PLCXD3: variants seen among roughly 807,000 people sequenced by gnomAD.
PLCXD3 encodes the protein phosphatidylinositol specific phospholipase C X domain containing 3, also known as PI-PLC X domain-containing protein 3.
Under a neutral mutation model 25.5 loss-of-function variants are expected in PLCXD3, and 19 were observed. That is an observed-to-expected ratio of 0.75 (90% CI 0.52 to 1.09). The LOEUF (loss-of-function observed/expected upper bound fraction) is 1.09, where lower values mean the gene tolerates loss of function less well. Ranked by LOEUF, PLCXD3 falls within the 50% of genes least tolerant of loss-of-function variation. The pLI, the probability that PLCXD3 is intolerant of heterozygous loss-of-function variation, is 0.00. For missense variants in PLCXD3, 411 were observed against 388.1 expected, an observed-to-expected ratio of 1.06 and a Z score of -0.50; for synonymous variants, 174 against 137.6, an observed-to-expected ratio of 1.26 and a Z score of -1.85.
chr5:41,404,355 A>T (rs1746290160), intron 1 of PLCXD3, among the ~76,000 whole-genome samples: 1 of 152,072 alleles, frequency 6.6e-6, no homozygotes, highest in South Asian at 2.1e-4. Flanking sequence ...ACAATTCCTT[A>T]TTTTATTTTC....
intron 2 of PLCXD3, among the ~76,000 whole-genome samples, chr5:41,346,064 A>G (rs993276231): frequency 1.3e-5 from 2 of 152,054 alleles, no homozygotes; most frequent in African/African-American, 4.8e-5. Context: ...TATTTTTAGC[A>G]GAGAGGAGGT....
At chr5:41,325,534 A>G (rs1434947011) in intron 2 of PLCXD3, among the ~76,000 whole-genome samples, 1 of 152,212 alleles carries the variant, frequency 6.6e-6, no homozygotes, top group Non-Finnish European at 1.5e-5. Flanking sequence ...GATATATTGT[A>G]TAACTGTTTA....
chr5:41,410,176 G>A (rs1436802998), intron 1 of PLCXD3, among the ~76,000 whole-genome samples: 1 of 139,302 alleles, frequency 7.2e-6, no homozygotes, highest in Non-Finnish European at 1.5e-5. Context: ...GTCTCACTCT[G>A]TTGCCCAGGC....
At chr5:41,407,290 TAC>T (rs1215449205) in intron 1 of PLCXD3, among the ~76,000 whole-genome samples, 3 of 152,140 alleles carry the variant, frequency 2.0e-5, no homozygotes, top group Admixed American at 1.3e-4. Context: ...GGAGATAAAA[TAC>T]ACAGATTATG....
At chr5:41,330,185 T>C (rs1451840642) in intron 2 of PLCXD3, among the ~76,000 whole-genome samples, 1 of 151,790 alleles carries the variant, frequency 6.6e-6, no homozygotes, top group East Asian at 1.9e-4. Flanking sequence ...AAAATGTCAA[T>C]GATAGACCGC....
chr5:41,496,037 A>T (rs980853130), intron 1 of PLCXD3, among the ~76,000 whole-genome samples: 14 of 152,184 alleles, frequency 9.2e-5, no homozygotes, highest in African/African-American at 3.4e-4. Context: ...ATTTTAAAAT[A>T]ACAGAAATTT....
intron 2 of PLCXD3, among the ~76,000 whole-genome samples, chr5:41,316,121 AG>A (rs1487324949): frequency 1.3e-5 from 2 of 152,124 alleles, no homozygotes; most frequent in Non-Finnish European, 2.9e-5. Flanking sequence ...TTGGGAGAAG[AG>A]GGGGAAGAAT....
At chr5:41,369,908 T>C (rs994173277) in intron 2 of PLCXD3, among the ~76,000 whole-genome samples, 3 of 152,230 alleles carry the variant, frequency 2.0e-5, no homozygotes, top group African/African-American at 4.8e-5. Context: ...ACAGTGAATT[T>C]GGTCTGTTTT....
chr5:41,317,938 A>G (rs2150468626), intron 2 of PLCXD3, among the ~76,000 whole-genome samples: 1 of 152,298 alleles, frequency 6.6e-6, no homozygotes. Flanking sequence ...AGACAAGGGT[A>G]GGATGTTTAT....
chr5:41,434,880 G>T (rs1747206480), intron 1 of PLCXD3, among the ~76,000 whole-genome samples: 1 of 152,082 alleles, frequency 6.6e-6, no homozygotes, highest in Admixed American at 6.5e-5. Context: ...AAATTGTGGA[G>T]GACCAGGAGA....
At chr5:41,395,092 A>G (rs1745960970) in intron 1 of PLCXD3, among the ~76,000 whole-genome samples, 1 of 152,162 alleles carries the variant, frequency 6.6e-6, no homozygotes. Flanking sequence ...CAAATCTTAA[A>G]ATGTTCAAAA....
At chr5:41,463,495 A>G (rs1427438827) in intron 1 of PLCXD3, among the ~76,000 whole-genome samples, 2 of 152,052 alleles carry the variant, frequency 1.3e-5, no homozygotes, top group Non-Finnish European at 2.9e-5. Context: ...TGGGATTTCA[A>G]CATATAAATT....
At chr5:41,499,567 C>T (rs1479087182) in intron 1 of PLCXD3, among the ~76,000 whole-genome samples, 1 of 151,740 alleles carries the variant, frequency 6.6e-6, no homozygotes, top group Non-Finnish European at 1.5e-5. Context: ...TGTTACCACT[C>T]CCCAAAGGAA....
intron 1 of PLCXD3, among the ~76,000 whole-genome samples, chr5:41,427,429 A>AT (rs1746986878): frequency 1.3e-5 from 2 of 152,122 alleles, no homozygotes; most frequent in Admixed American, 1.3e-4. Context: ...TTCAAAAAAT[A>AT]TTTTTAGTAT....
chr5:41,332,165 A>C (rs1398881286), intron 2 of PLCXD3, among the ~76,000 whole-genome samples: 4 of 152,072 alleles, frequency 2.6e-5, no homozygotes, highest in African/African-American at 4.8e-5. Flanking sequence ...CAACCTACAA[A>C]ATGGGAGAAA....
chr5:41,406,500 A>G (rs1746354955), intron 1 of PLCXD3, among the ~76,000 whole-genome samples: 2 of 151,866 alleles, frequency 1.3e-5, no homozygotes, highest in Admixed American at 6.6e-5. Context: ...TCATCCTTCT[A>G]TCTCATCCTT....
chr5:41,350,041 T>C (rs1029326239), intron 2 of PLCXD3, among the ~76,000 whole-genome samples: 9 of 152,060 alleles, frequency 5.9e-5, no homozygotes, highest in Non-Finnish European at 1.2e-4. Flanking sequence ...GACTCCGCAA[T>C]GGGTGAAGTT....
At chr5:41,470,312 C>A (rs1203933247) in intron 1 of PLCXD3, among the ~76,000 whole-genome samples, 1 of 152,020 alleles carries the variant, frequency 6.6e-6, no homozygotes, top group East Asian at 1.9e-4. Context: ...TGTTCTACTG[C>A]TCTCCAGAAG....
intron 2 of PLCXD3, among the ~76,000 whole-genome samples, chr5:41,319,288 A>G (rs1432814880): frequency 6.6e-6 from 1 of 152,204 alleles, no homozygotes; most frequent in Non-Finnish European, 1.5e-5. Flanking sequence ...AGAACATTTC[A>G]TCCAAGAGCT....
Sources: gnomAD v4.1 joint callset for allele counts (sites outside exome capture counted in the v4.1 genomes callset) on GRCh38, gnomAD v4.1.1 for gene constraint, MANE v1.5 for transcripts, NCBI Gene and HGNC (gene_info 2026-07-23, HGNC 2026-07-21) for gene names.